Variants in SLC41A3 observed in about 807,000 individuals in gnomAD.
SLC41A3 encodes solute carrier family 41 member 3.
In SLC41A3, 44 loss-of-function variants were observed where a neutral mutation model predicts 45.4. That is an observed-to-expected ratio of 0.97 (90% CI 0.76 to 1.25). The LOEUF (loss-of-function observed/expected upper bound fraction) is 1.25. Among genes scored for constraint, SLC41A3 ranks in the 50% most tolerant of loss-of-function variants. SLC41A3 has a pLI of 0.00. For missense variants in SLC41A3, 550 were observed against 600.6 expected (o/e 0.92, Z 0.88); for synonymous variants, 256 against 252.4 (o/e 1.01, Z -0.13).
At chr3:126,013,490 G>C (rs976079839) in intron 8 of SLC41A3, among the ~76,000 whole-genome samples, 3 of 151,722 alleles carry the variant, frequency 2.0e-5, no homozygotes, top group Admixed American at 6.6e-5. Context: ...TTGAACCCAG[G>C]AGTCAGAGAT....
chr3:126,012,809 CTTATT>C (rs1939860727), intron 8 of SLC41A3, 60 bp from the exon 9 acceptor site: 8 of 1,591,650 alleles, frequency 5.0e-6, no homozygotes, highest in Middle Eastern at 3.4e-4. Flanking sequence ...AGTTGTATCC[CTTATT>C]TTAAGTTCCC....
chr3:126,068,894 T>C (rs1462502614), intron 1 of SLC41A3, among the ~76,000 whole-genome samples: 1 of 151,988 alleles, frequency 6.6e-6, no homozygotes. Context: ...CCACTTGGAG[T>C]TCACCTGGTG....
chr3:126,019,262 G>T (rs2107686193), intron 6 of SLC41A3, among the ~76,000 whole-genome samples: 1 of 152,218 alleles, frequency 6.6e-6, no homozygotes, highest in Admixed American at 6.5e-5. Context: ...ATCCAATTAA[G>T]CCATTAATCT....
At chr3:126,022,673 AAAC>A in intron 6 of SLC41A3, 110 bp downstream of exon 6, 2 of 1,360,990 alleles carry the variant, frequency 1.5e-6, no homozygotes, top group Non-Finnish European at 2.0e-6. Context: ...GGACACATTC[AAAC>A]AACAGCACAT....
chr3:126,068,931 A>G (rs1480811504), intron 1 of SLC41A3, among the ~76,000 whole-genome samples: 1 of 152,180 alleles, frequency 6.6e-6, no homozygotes, highest in Non-Finnish European at 1.5e-5. Flanking sequence ...GGGAGAAGTT[A>G]GTAGAAAACA....
intron 3 of SLC41A3, among the ~76,000 whole-genome samples, chr3:126,040,159 G>C (rs1942489630): frequency 6.6e-6 from 1 of 152,214 alleles, no homozygotes; most frequent in South Asian, 2.1e-4. Context: ...AAATATGGGT[G>C]CTGGCTTTTA....
chr3:126,015,427 C>T, intron 8 of SLC41A3, 67 bp downstream of exon 8: 1 of 1,540,544 alleles, frequency 6.5e-7, no homozygotes, highest in East Asian at 2.3e-5. Context: ...GTCTGCTGTT[C>T]CGGTCCAACC....
rs573664428 is a variant in SLC41A3 at position 126,029,371 on chromosome 3, C to A, written c.454-2892G>T. On this transcript the variant is annotated intron_variant, in intron 4 of 10. Transcript: ENST00000360370. ...CCTTTAGAAGTATGTGGCACTCCCT[C>A]CCCCACCACTCTCTTGCTCATTCTC... is the stretch of plus-strand genomic sequence containing the variant. Among the ~76,000 whole-genome samples the A allele has an allele frequency of 7.7e-3, 1,160 of 151,400 alleles. 14 individuals are homozygous for A. The highest frequency in any genetic ancestry group is 0.027 in the African/African-American group (1,111 of 41,164).
At chr3:126,054,472 G>A (rs527557192) in intron 2 of SLC41A3, among the ~76,000 whole-genome samples, 2 of 152,154 alleles carry the variant, frequency 1.3e-5, no homozygotes, top group African/African-American at 2.4e-5. Context: ...CTCAGTGCAC[G>A]GCACACCCTC....
At chr3:126,017,074 C>A (rs1940372954) in intron 6 of SLC41A3, among the ~76,000 whole-genome samples, 199 bp from the exon 7 acceptor site, 1 of 151,590 alleles carries the variant, frequency 6.6e-6, no homozygotes, top group South Asian at 2.1e-4. Flanking sequence ...TCCTCCATTC[C>A]TGCCACATTC....
At chr3:126,029,372 C>CA (rs1195261226) in intron 4 of SLC41A3, among the ~76,000 whole-genome samples, 1 of 151,338 alleles carries the variant, frequency 6.6e-6, no homozygotes, top group African/African-American at 2.4e-5. Context: ...GCACTCCCTC[C>CA]CCCACCACTC....
chr3:126,039,833 G>T (rs1044924734), intron 3 of SLC41A3, among the ~76,000 whole-genome samples: 2 of 152,184 alleles, frequency 1.3e-5, no homozygotes, highest in Admixed American at 6.5e-5. Context: ...CTTATCTGTG[G>T]ATATGTGTAC....
intron 2 of SLC41A3, among the ~76,000 whole-genome samples, chr3:126,061,226 C>G (rs756849762): frequency 3.3e-5 from 5 of 152,234 alleles, no homozygotes; most frequent in Non-Finnish European, 5.9e-5. Flanking sequence ...TCAGGTCTCA[C>G]AGATCAGGCC....
At chr3:126,095,899 C>T (rs994711894) in intron 1 of SLC41A3, among the ~76,000 whole-genome samples, 1 of 152,178 alleles carries the variant, frequency 6.6e-6, no homozygotes, top group Non-Finnish European at 1.5e-5. Flanking sequence ...AAAAGTATGA[C>T]AAGAGTTCCT....
intron 6 of SLC41A3, among the ~76,000 whole-genome samples, chr3:126,018,456 A>G (rs988974190): frequency 6.6e-6 from 1 of 152,240 alleles, no homozygotes; most frequent in Non-Finnish European, 1.5e-5. Flanking sequence ...CTGGTGATTA[A>G]ACATCACTGC....
At chr3:126,055,869 C>G (rs1400967273) in intron 2 of SLC41A3, among the ~76,000 whole-genome samples, 1 of 152,114 alleles carries the variant, frequency 6.6e-6, no homozygotes. Flanking sequence ...CCAGGGGCCA[C>G]GCCAGGATGC....
chr3:126,063,069 T>C (rs960710840), intron 2 of SLC41A3, among the ~76,000 whole-genome samples: 2 of 152,180 alleles, frequency 1.3e-5, no homozygotes, highest in African/African-American at 2.4e-5. Context: ...GCTGGACACA[T>C]GCTGGGCTCT....
At chr3:126,033,991 C>CA (rs1942003046) in intron 3 of SLC41A3, among the ~76,000 whole-genome samples, 2 of 152,054 alleles carry the variant, frequency 1.3e-5, no homozygotes, top group Admixed American at 1.3e-4. Context: ...CACAGCCACA[C>CA]AATGCATAGA....
At chr3:126,039,241 A>G (rs1240563032) in intron 3 of SLC41A3, among the ~76,000 whole-genome samples, 1 of 152,254 alleles carries the variant, frequency 6.6e-6, no homozygotes, top group Non-Finnish European at 1.5e-5. Context: ...ACACTGGTAC[A>G]ACACTAATAA....
Sources: allele counts gnomAD v4.1 joint callset (sites outside exome capture counted in the v4.1 genomes callset), GRCh38; gene constraint gnomAD v4.1.1; transcripts MANE v1.5; gene names NCBI Gene and HGNC (gene_info 2026-07-23, HGNC 2026-07-21).